CTNNA3: variants seen among roughly 807,000 people sequenced by gnomAD.
CTNNA3 encodes the protein catenin alpha-3.
CTNNA3 carries 76 observed loss-of-function variants against 95.7 expected under a neutral mutation model. The ratio of observed to expected loss-of-function variants is 0.79; its 90% confidence interval spans 0.66 to 0.96. The LOEUF (loss-of-function observed/expected upper bound fraction) is 0.96, where lower values mean the gene tolerates loss of function less well. Among genes scored for constraint, CTNNA3 ranks in the 40% least tolerant of loss-of-function variants. The probability of loss-of-function intolerance (pLI) is 0.00; values close to 1 mark genes in which losing one functional copy is unlikely to be tolerated. For synonymous variants in CTNNA3, 431 were observed against 374.4 expected (o/e 1.15, Z -1.74); for missense variants, 1,191 against 1,089.8 (o/e 1.09, Z -1.31).
chr10:67,068,923 G>C (rs1856262279), intron 7 of CTNNA3, among the ~76,000 whole-genome samples: 1 of 152,064 alleles, frequency 6.6e-6, no homozygotes, highest in African/African-American at 2.4e-5. Flanking sequence ...AGCTGGGCCT[G>C]GTGGCAGGTA....
intron 12 of CTNNA3, among the ~76,000 whole-genome samples, chr10:66,328,381 G>T (rs1589093096): frequency 6.6e-6 from 1 of 152,032 alleles, no homozygotes; most frequent in Non-Finnish European, 1.5e-5. Context: ...GTATCAAGTG[G>T]CAGCTAAGAC....
chr10:67,714,133 G>C (rs1332894062), intron 1 of CTNNA3, among the ~76,000 whole-genome samples: 5 of 152,264 alleles, frequency 3.3e-5, no homozygotes, highest in Non-Finnish European at 7.4e-5. Flanking sequence ...AGTCCCTACT[G>C]GGACACCATG....
intron 13 of CTNNA3, among the ~76,000 whole-genome samples, chr10:66,122,559 A>T (rs981282814): frequency 1.3e-5 from 2 of 152,328 alleles, no homozygotes; most frequent in South Asian, 2.1e-4. Flanking sequence ...ACTACAGAAA[A>T]CCAAAGACAT....
At chr10:66,164,397 G>C (rs1266019850) in intron 13 of CTNNA3, among the ~76,000 whole-genome samples, 1 of 152,080 alleles carries the variant, frequency 6.6e-6, no homozygotes, top group Non-Finnish European at 1.5e-5. Context: ...GCACTATTGG[G>C]AATATAGGTC....
chr10:67,731,634 C>G (rs1260774776), intron 1 of CTNNA3, among the ~76,000 whole-genome samples: 1 of 151,852 alleles, frequency 6.6e-6, no homozygotes, highest in African/African-American at 2.4e-5. Flanking sequence ...AACCCCGTCT[C>G]TACTAAAAAT....
chr10:67,475,912 A>G (rs1316076267), intron 5 of CTNNA3, among the ~76,000 whole-genome samples: 1 of 152,212 alleles, frequency 6.6e-6, no homozygotes, highest in African/African-American at 2.4e-5. Context: ...TATGTTAGGA[A>G]AATTAGTCTA....
At position 67,369,588 on chromosome 10, in the gene CTNNA3, G is replaced by A. The variant is rs1843342153; in HGVS notation, c.580-149718C>T. Among the ~76,000 whole-genome samples the A allele has an allele frequency of 2.6e-5, 4 of 152,112 alleles. No homozygotes were observed. The South Asian group carries it at 8.3e-4, about 31-fold the overall frequency. On this transcript the variant is annotated intron_variant, in intron 5 of 17. Transcript: ENST00000433211. Reference sequence around the variant, plus strand: ...CAATCTGGAAAAAGTGTAATTGCAAGTCATATTACAAAGAGTTAATCTACT... The same window carrying A: ...CAATCTGGAAAAAGTGTAATTGCAAATCATATTACAAAGAGTTAATCTACT...
chr10:66,471,870 CA>C (rs1839146501), intron 11 of CTNNA3, among the ~76,000 whole-genome samples: 1 of 151,928 alleles, frequency 6.6e-6, no homozygotes, highest in Non-Finnish European at 1.5e-5. Context: ...CAAAACCCCC[CA>C]AAACTTACAA....
chr10:66,560,943 A>T (rs1174229976), intron 10 of CTNNA3, among the ~76,000 whole-genome samples: 1 of 152,090 alleles, frequency 6.6e-6, no homozygotes, highest in African/African-American at 2.4e-5. Context: ...CTCTTGAGAC[A>T]TTGGATCTAC....
At position 66,782,319 on chromosome 10, in the gene CTNNA3, G is replaced by C. The variant is rs1030927833; in HGVS notation, c.1048-6795C>G. Reference sequence around the variant, plus strand: ...ATTGGTGTTACCAATGTCACACTTGGGTTTCTTGAACTAAACCAACTGGCT... The same window carrying C: ...ATTGGTGTTACCAATGTCACACTTGCGTTTCTTGAACTAAACCAACTGGCT... On this transcript the variant is annotated intron_variant, in intron 7 of 17. Coordinates refer to ENST00000433211, the MANE Select transcript of CTNNA3 (RefSeq NM_013266.4). Among the ~76,000 whole-genome samples the C allele has an allele frequency of 2.6e-5, 4 of 151,982 alleles. No individual in the cohort carries two copies. The East Asian group carries it at 7.7e-4, about 29-fold the overall frequency.
At chr10:67,225,981 A>G (rs1864894865) in intron 5 of CTNNA3, among the ~76,000 whole-genome samples, 1 of 152,202 alleles carries the variant, frequency 6.6e-6, no homozygotes, top group South Asian at 2.1e-4. Flanking sequence ...AAACAATACA[A>G]GAAGTGAAGG....
chr10:66,346,708 T>C (rs1162799801), intron 12 of CTNNA3, among the ~76,000 whole-genome samples: 1 of 152,136 alleles, frequency 6.6e-6, no homozygotes, highest in Admixed American at 6.5e-5. Flanking sequence ...TAGACAATTC[T>C]AATTACTTGA....
intron 2 of CTNNA3, among the ~76,000 whole-genome samples, chr10:67,622,617 C>T (rs1375088454): frequency 1.3e-5 from 2 of 152,218 alleles, no homozygotes; most frequent in African/African-American, 4.8e-5. Context: ...CCTTGCCATG[C>T]ACGCTCCCAC....
chr10:67,697,490 G>A (rs1840988992), upstream of CTNNA3, among the ~76,000 whole-genome samples: 2 of 152,138 alleles, frequency 1.3e-5, no homozygotes, highest in East Asian at 3.9e-4. Flanking sequence ...AGCTTGTCCT[G>A]CTGTGAAACC....
chr10:65,919,439 T>C lies in CTNNA3; in HGVS notation c.*891A>G, dbSNP rs1202583867. On this transcript the variant is annotated 3_prime_UTR_variant, in exon 18 of 18. Transcript: ENST00000433211. The stretch of plus-strand genomic sequence containing the variant: ...AATTACAATTGCAAGCTGATAAAAA[T>C]GTATTTTTATGTTTGTAAAAATAGG... 6.6e-6 allele frequency: 1 copy of C among 152,204 alleles called. No homozygotes were observed. Among genetic ancestry groups the C allele is most frequent in the Non-Finnish European group, 1.5e-5 (1 of 68,030 alleles). 9.4% of individuals were successfully genotyped at this position (152,204 alleles called of 1,614,324 possible).
chr10:67,282,157 C>A (rs1437523409), intron 5 of CTNNA3, among the ~76,000 whole-genome samples: 1 of 152,108 alleles, frequency 6.6e-6, no homozygotes, highest in South Asian at 2.1e-4. Flanking sequence ...CTTATACTTT[C>A]TATTAGAAGT....
At chr10:66,452,004 C>T (rs1055005153) in intron 11 of CTNNA3, among the ~76,000 whole-genome samples, 1 of 152,164 alleles carries the variant, frequency 6.6e-6, no homozygotes, top group Non-Finnish European at 1.5e-5. Context: ...TCTTCTCCCT[C>T]ATCTTCCTAT....
intron 15 of CTNNA3, among the ~76,000 whole-genome samples, chr10:66,018,662 ATTGT>A (rs2079141738): frequency 6.6e-6 from 1 of 152,144 alleles, no homozygotes. Flanking sequence ...AGAATAATCA[ATTGT>A]TTCTCAAACC....
chr10:66,797,901 C>A (rs1193230535), intron 7 of CTNNA3, among the ~76,000 whole-genome samples: 1 of 151,838 alleles, frequency 6.6e-6, no homozygotes, highest in Non-Finnish European at 1.5e-5. Context: ...TTTAACATTC[C>A]TTCCAATTTC....
Sources: gnomAD v4.1 joint callset for allele counts (sites outside exome capture counted in the v4.1 genomes callset) on GRCh38, gnomAD v4.1.1 for gene constraint, MANE v1.5 for transcripts, NCBI Gene and HGNC (gene_info 2026-07-23, HGNC 2026-07-21) for gene names.